Variants in VSNL1 observed in about 807,000 individuals in gnomAD.
VSNL1 encodes the protein visinin like 1.
Under a neutral mutation model 20.4 loss-of-function variants are expected in VSNL1, and 6 were observed. That is an observed-to-expected ratio of 0.29 (90% CI 0.16 to 0.58). The LOEUF (loss-of-function observed/expected upper bound fraction) is 0.58, where lower values mean the gene tolerates loss of function less well. Among genes scored for constraint, VSNL1 ranks in the 20% least tolerant of loss-of-function variants. The pLI, the probability that VSNL1 is intolerant of heterozygous loss-of-function variation, is 0.90. For missense variants in VSNL1, 100 were observed against 234.5 expected (o/e 0.43, Z 3.75); for synonymous variants, 93 against 86.4 (o/e 1.08, Z -0.42).
At chr2:17,575,723 G>T (rs1664195214) in intron 1 of VSNL1, among the ~76,000 whole-genome samples, 1 of 151,980 alleles carries the variant, frequency 6.6e-6, no homozygotes, top group Non-Finnish European at 1.5e-5. Flanking sequence ...TTTTAGTAGA[G>T]ACGGGGTTTC....
chr2:17,635,081 ACAAGCTGTTGGG>A (rs568053981), intron 2 of VSNL1, among the ~76,000 whole-genome samples: 69 of 152,330 alleles, frequency 4.5e-4, no homozygotes, highest in African/African-American at 1.5e-3. Context: ...CTGCTTAGCA[ACAAGCTGTTGGG>A]CAGAAGTGGG....
chr2:17,564,709 C>G (rs1035172659), intron 1 of VSNL1, among the ~76,000 whole-genome samples: 7 of 152,166 alleles, frequency 4.6e-5, no homozygotes, highest in African/African-American at 1.4e-4. Context: ...TTTTAAAACA[C>G]TTGCTGAATG....
At chr2:17,574,822 A>ATCAC in intron 1 of VSNL1, among the ~76,000 whole-genome samples, 1 of 152,166 alleles carries the variant, frequency 6.6e-6, no homozygotes, top group African/African-American at 2.4e-5. Flanking sequence ...CCTGGAGTGT[A>ATCAC]GTGCTGTGAT....
intron 3 of VSNL1, among the ~76,000 whole-genome samples, chr2:17,650,586 G>A (rs1666102775): frequency 6.6e-6 from 1 of 152,218 alleles, no homozygotes; most frequent in African/African-American, 2.4e-5. Context: ...ACTTGCTGAA[G>A]GTAGAGCCAG....
At chr2:17,619,822 CT>C (rs1331320765) in intron 2 of VSNL1, among the ~76,000 whole-genome samples, 2 of 151,566 alleles carry the variant, frequency 1.3e-5, no homozygotes, top group Non-Finnish European at 2.9e-5. Context: ...AGGAATGGTA[CT>C]AGACACCGGG....
At chr2:17,602,288 T>TTG (rs1664839226) in intron 2 of VSNL1, among the ~76,000 whole-genome samples, 1 of 152,220 alleles carries the variant, frequency 6.6e-6, no homozygotes. Context: ...GTTATGAAGC[T>TTG]TGTGGCTCCA....
chr2:17,604,167 G>A (rs1664893918), intron 2 of VSNL1, among the ~76,000 whole-genome samples: 1 of 152,230 alleles, frequency 6.6e-6, no homozygotes. Flanking sequence ...AGGGCAGAGG[G>A]TGTGGTGCAG....
intron 1 of VSNL1, among the ~76,000 whole-genome samples, chr2:17,550,591 A>G (rs1663510699): frequency 6.6e-6 from 1 of 152,224 alleles, no homozygotes. Context: ...AGAGAAGCCC[A>G]TGAGAGTAAC....
chr2:17,619,286 T>A (rs532455299), intron 2 of VSNL1, among the ~76,000 whole-genome samples: 5 of 152,202 alleles, frequency 3.3e-5, no homozygotes, highest in Admixed American at 6.5e-5. Context: ...TTAACCAAGT[T>A]ACCCACATGG....
At chr2:17,626,946 T>A (rs1445431009) in intron 2 of VSNL1, among the ~76,000 whole-genome samples, 4 of 152,216 alleles carry the variant, frequency 2.6e-5, no homozygotes, top group Non-Finnish European at 5.9e-5. Context: ...CTGCACAGAC[T>A]CTGGGTGGGG....
chr2:17,566,842 C>T (rs973667172), intron 1 of VSNL1, among the ~76,000 whole-genome samples: 1 of 152,162 alleles, frequency 6.6e-6, no homozygotes, highest in African/African-American at 2.4e-5. Context: ...GCCCTGTAGA[C>T]ATTCAGTTAT....
At chr2:17,558,939 T>A (rs1320149038) in intron 1 of VSNL1, among the ~76,000 whole-genome samples, 1 of 152,154 alleles carries the variant, frequency 6.6e-6, no homozygotes, top group African/African-American at 2.4e-5. Flanking sequence ...GAAATTTATT[T>A]CTCACTCATA....
chr2:17,556,514 CAG>C (rs1248465517), intron 1 of VSNL1, among the ~76,000 whole-genome samples: 4 of 152,158 alleles, frequency 2.6e-5, no homozygotes, highest in African/African-American at 7.2e-5. Context: ...GCCTGTGAAA[CAG>C]AAACTGTTAA....
chr2:17,621,751 C>T (rs1344616744), intron 2 of VSNL1, among the ~76,000 whole-genome samples: 2 of 152,218 alleles, frequency 1.3e-5, no homozygotes, highest in Admixed American at 1.3e-4. Context: ...TCTCTGCCTT[C>T]TGGGTAGCTG....
chr2:17,652,374 T>C (rs573428529), intron 3 of VSNL1, among the ~76,000 whole-genome samples: 3 of 152,320 alleles, frequency 2.0e-5, no homozygotes, highest in African/African-American at 7.2e-5. Context: ...GAATGGAATG[T>C]GCAATCATGT....
chr2:17,599,156 G>C (rs2555080), intron 2 of VSNL1, among the ~76,000 whole-genome samples: 107,569 of 152,014 alleles, frequency 0.71, 39,672 homozygotes, highest in Middle Eastern at 0.89. Flanking sequence ...AACCTATAGT[G>C]AAGATAGGGT....
chr2:17,556,934 C>T (rs1188531218), intron 1 of VSNL1, among the ~76,000 whole-genome samples: 2 of 152,156 alleles, frequency 1.3e-5, no homozygotes, highest in African/African-American at 2.4e-5. Flanking sequence ...GGTCTTTTCA[C>T]TTTTCACAGA....
At chr2:17,595,697 A>G (rs1158223450) in intron 2 of VSNL1, among the ~76,000 whole-genome samples, 3 of 149,992 alleles carry the variant, frequency 2.0e-5, no homozygotes, top group African/African-American at 7.3e-5. Context: ...AGGTCATGAG[A>G]GTGGGCCCTA....
At chr2:17,543,616 C>A (rs1353367168) in intron 1 of VSNL1, among the ~76,000 whole-genome samples, 1 of 152,208 alleles carries the variant, frequency 6.6e-6, no homozygotes, top group East Asian at 1.9e-4. Flanking sequence ...GACAGAAAGA[C>A]CGAAGAAGGC....
Sources: allele counts gnomAD v4.1 joint callset (sites outside exome capture counted in the v4.1 genomes callset), GRCh38; gene constraint gnomAD v4.1.1; transcripts MANE v1.5; gene names NCBI Gene and HGNC (gene_info 2026-07-23, HGNC 2026-07-21).